Variants in SPIN1 observed in about 807,000 individuals in gnomAD.
SPIN1 encodes spindlin 1.
In SPIN1, 3 loss-of-function variants were observed where a neutral mutation model predicts 26.0. The ratio of observed to expected loss-of-function variants is 0.12; its 90% CI spans 0.05 to 0.30. The LOEUF (loss-of-function observed/expected upper bound fraction) is 0.30. Among genes scored for constraint, SPIN1 ranks in the 10% least tolerant of loss-of-function variants. The pLI, the probability that SPIN1 is intolerant of heterozygous loss-of-function variation, is 1.00. For missense variants in SPIN1, 126 were observed against 333.4 expected, an observed-to-expected ratio of 0.38 and a Z score of 4.84; for synonymous variants, 101 against 116.5, an observed-to-expected ratio of 0.87 and a Z score of 0.86.
chr9:88,406,000 TGTGTCTG>T (rs1827299082), intron 1 of SPIN1, among the ~76,000 whole-genome samples: 1 of 84,278 alleles, frequency 1.2e-5, no homozygotes, highest in Non-Finnish European at 2.1e-5. Context: ...GCCTGGCTTG[TGTGTCTG>T]TGTGTGTGTG....
intron 1 of SPIN1, among the ~76,000 whole-genome samples, chr9:88,420,235 T>C (rs1044312097): frequency 2.0e-5 from 3 of 152,130 alleles, no homozygotes; most frequent in African/African-American, 7.2e-5. Context: ...ATTATCTGGA[T>C]GTGGTGGCGC....
intron 3 of SPIN1, among the ~76,000 whole-genome samples, chr9:88,454,692 G>A (rs932362225): frequency 6.6e-6 from 1 of 152,124 alleles, no homozygotes; most frequent in African/African-American, 2.4e-5. Flanking sequence ...TATTCTTAGT[G>A]TATCTAAACC....
chr9:88,452,474 A>G (rs1202138524), intron 3 of SPIN1, among the ~76,000 whole-genome samples: 1 of 152,196 alleles, frequency 6.6e-6, no homozygotes, highest in Non-Finnish European at 1.5e-5. Flanking sequence ...ACCATGGTGT[A>G]TACAGTCTTA....
chr9:88,477,031 A>C lies in SPIN1; in HGVS notation c.*1754A>C, dbSNP rs1389232274. ...AACACAGTACCTCAGTTTTCTGTCC[A>C]CAGCTGCAGTCGCTCTGTCCCTCGT... On this transcript the variant is annotated 3_prime_UTR_variant, in exon 6 of 6. Coordinates refer to ENST00000375859, the MANE Select transcript of SPIN1 (RefSeq NM_006717.3). 30 of 152,292 alleles carry C rather than the reference A, an allele frequency of 2.0e-4. No individual in the cohort carries two copies. The highest frequency in any genetic ancestry group is 1.9e-3 in the Admixed American group (29 of 15,306). 9.4% of individuals were successfully genotyped at this position (152,292 alleles called of 1,614,324 possible).
chr9:88,434,742 A>G (rs906412187), intron 2 of SPIN1, among the ~76,000 whole-genome samples: 5 of 151,730 alleles, frequency 3.3e-5, no homozygotes, highest in African/African-American at 4.8e-5. Flanking sequence ...AGTTGTTTCT[A>G]CTCTTCTGCT....
chr9:88,411,153 C>T (rs143055459), intron 1 of SPIN1: 836 of 1,479,226 alleles, frequency 5.7e-4, no homozygotes, highest in Middle Eastern at 2.1e-3. Context: ...ATCTTTTTCA[C>T]AGTTAAGTGG....
chr9:88,396,808 A>G (rs919457293), intron 1 of SPIN1, among the ~76,000 whole-genome samples: 2 of 152,118 alleles, frequency 1.3e-5, no homozygotes, highest in African/African-American at 2.4e-5. Context: ...CACCTAGGCT[A>G]TGTAATATGG....
intron 5 of SPIN1, among the ~76,000 whole-genome samples, chr9:88,473,286 G>A (rs921967634): frequency 6.6e-6 from 1 of 152,084 alleles, no homozygotes; most frequent in South Asian, 2.1e-4. Context: ...CCAGCTACTC[G>A]GGAGGCTGAA....
intron 2 of SPIN1, among the ~76,000 whole-genome samples, chr9:88,441,412 TGTGC>T (rs1564033797): frequency 2.1e-5 from 3 of 144,460 alleles, no homozygotes. Flanking sequence ...TGTGTGTGTG[TGTGC>T]GCGCGCGCGC....
chr9:88,470,374 C>T (rs942844668), intron 5 of SPIN1, among the ~76,000 whole-genome samples: 7 of 152,028 alleles, frequency 4.6e-5, no homozygotes, highest in African/African-American at 1.7e-4. Context: ...TATGTTTAAT[C>T]GTTTGGGGGA....
chr9:88,456,438 CAG>C (rs1049086614), intron 3 of SPIN1, among the ~76,000 whole-genome samples: 16 of 152,234 alleles, frequency 1.1e-4, no homozygotes, highest in African/African-American at 3.9e-4. Flanking sequence ...CTGCCAGGAT[CAG>C]AGATAGTAAG....
At chr9:88,428,636 C>G (rs1014817553) in intron 2 of SPIN1, among the ~76,000 whole-genome samples, 4 of 152,042 alleles carry the variant, frequency 2.6e-5, no homozygotes, top group Admixed American at 6.6e-5. Flanking sequence ...GGAACTAAAC[C>G]AAAAGATTTT....
At chr9:88,452,757 G>GT (rs1478468685) in intron 3 of SPIN1, among the ~76,000 whole-genome samples, 2 of 152,128 alleles carry the variant, frequency 1.3e-5, no homozygotes, top group African/African-American at 2.4e-5. Context: ...TTGAATAACA[G>GT]TTACCTGCAA....
At chr9:88,410,217 A>G (rs1203099816) in intron 1 of SPIN1, among the ~76,000 whole-genome samples, 1 of 144,026 alleles carries the variant, frequency 6.9e-6, no homozygotes, top group African/African-American at 2.7e-5. Context: ...AAAGACATTT[A>G]TTCAGCATCA....
intron 2 of SPIN1, among the ~76,000 whole-genome samples, chr9:88,447,586 A>G (rs532385909): frequency 3.3e-5 from 5 of 152,310 alleles, no homozygotes; most frequent in African/African-American, 1.2e-4. Flanking sequence ...AGAGGTGGCG[A>G]TGGAATCTGA....
intron 1 of SPIN1, among the ~76,000 whole-genome samples, chr9:88,392,365 TATAGTCTG>T (rs1242604213): frequency 6.6e-6 from 1 of 152,194 alleles, no homozygotes; most frequent in Non-Finnish European, 1.5e-5. Context: ...TTACAGACTT[TATAGTCTG>T]ATAGAGGAGA....
chr9:88,426,596 G>A lies in SPIN1; in HGVS notation c.52+5G>A. 6.2e-7 allele frequency: 1 copy of A among 1,612,450 alleles called. No individual in the cohort carries two copies. The highest frequency in any genetic ancestry group is 1.7e-5 in the Admixed American group (1 of 59,968). ...AGCGGTCCAGAGCTGATGCAGGTAG[G>A]CATTGCGGTTCTACACATATTTAAA... On this transcript the variant is annotated splice_donor_5th_base_variant and intron_variant, in intron 2 of 5. Transcript: ENST00000375859.
intron 1 of SPIN1, among the ~76,000 whole-genome samples, chr9:88,392,149 T>A (rs2117856945): frequency 6.6e-6 from 1 of 152,326 alleles, no homozygotes; most frequent in South Asian, 2.1e-4. Flanking sequence ...TTGATTTCCT[T>A]CTCCTTTCTA....
At chr9:88,445,329 C>T (rs1374803919) in intron 2 of SPIN1, among the ~76,000 whole-genome samples, 1 of 151,910 alleles carries the variant, frequency 6.6e-6, no homozygotes, top group Non-Finnish European at 1.5e-5. Flanking sequence ...CTATTTGAGG[C>T]CATCACATAC....
Sources: allele counts gnomAD v4.1 joint callset (sites outside exome capture counted in the v4.1 genomes callset), GRCh38; gene constraint gnomAD v4.1.1; transcripts MANE v1.5; gene names NCBI Gene and HGNC (gene_info 2026-07-23, HGNC 2026-07-21).